C17orf67: variants seen among roughly 807,000 people sequenced by gnomAD.
C17orf67 encodes the protein uncharacterized protein C17orf67.
C17orf67 carries 12 observed loss-of-function variants against 11.2 expected under a neutral mutation model. That is an observed-to-expected ratio of 1.07 (90% CI 0.68 to 1.73). The LOEUF (loss-of-function observed/expected upper bound fraction) is 1.73, where lower values mean the gene tolerates loss of function less well. Ranked by LOEUF, C17orf67 falls within the 40% of genes most tolerant of loss-of-function variation. The pLI is 0.00. For synonymous variants in C17orf67, 59 were observed against 46.9 expected (o/e 1.26, Z -1.05); for missense variants, 115 against 113.5 (o/e 1.01, Z -0.06).
chr17:56,793,785 C>T (rs1475526390), intron 7 of C17orf67, among the ~76,000 whole-genome samples: 1 of 152,210 alleles, frequency 6.6e-6, no homozygotes, highest in African/African-American at 2.4e-5. Context: ...AAGACAAAGG[C>T]CCTTGGTGCA....
chr17:56,797,959 C>A (rs907622497), intron 6 of C17orf67, among the ~76,000 whole-genome samples: 5 of 152,228 alleles, frequency 3.3e-5, no homozygotes, highest in Non-Finnish European at 5.9e-5. Flanking sequence ...AATGTGATTT[C>A]TCTTGTCTTA....
chr17:56,804,786 CA>C (rs778776059), intron 6 of C17orf67, among the ~76,000 whole-genome samples: 2 of 152,150 alleles, frequency 1.3e-5, no homozygotes, highest in Non-Finnish European at 2.9e-5. Flanking sequence ...AAGCTTTATT[CA>C]AGCTTCAAGA....
At chr17:56,795,328 G>A in intron 6 of C17orf67, 148 bp from the exon 7 acceptor site, 1 of 686,376 alleles carries the variant, frequency 1.5e-6, no homozygotes, top group Non-Finnish European at 2.6e-6. Context: ...ATGCCTCTCT[G>A]TAGGGAAGAC....
intron 4 of C17orf67, among the ~76,000 whole-genome samples, chr17:56,821,565 T>C (rs1013927476): frequency 6.6e-6 from 1 of 152,198 alleles, no homozygotes; most frequent in Non-Finnish European, 1.5e-5. Context: ...CCAGCTGGCA[T>C]CTCAGCTTCC....
chr17:56,806,809 A>T (rs1483468346), intron 6 of C17orf67, among the ~76,000 whole-genome samples: 2 of 152,206 alleles, frequency 1.3e-5, no homozygotes, highest in Non-Finnish European at 2.9e-5. Context: ...TGACAGCAAG[A>T]CAGGAAGTAG....
At chr17:56,810,360 CCT>C (rs1905590775) in intron 6 of C17orf67, among the ~76,000 whole-genome samples, 1 of 148,122 alleles carries the variant, frequency 6.8e-6, no homozygotes, top group Admixed American at 6.7e-5. Context: ...CACACACACC[CCT>C]CACACATCCC....
rs201738904 is a variant in C17orf67, at chr17:56,814,866, C to T, written c.156+3G>A. 2.6e-4 allele frequency: 424 copies of T among 1,613,468 alleles called. No homozygotes were observed. In the African/African-American group the frequency reaches 5.2e-3, roughly 20 times the overall value. ...TTTAAAACTGCCAGAGCAAAGCACT[C>T]ACCCGCATTGGCTCATCGGGGAATC... On this transcript the variant is annotated splice_donor_region_variant and intron_variant, in intron 6 of 7. Coordinates refer to ENST00000397861, the MANE Select transcript of C17orf67 (RefSeq NM_001085430.4).
At chr17:56,820,262 A>G (rs2144142090) in intron 4 of C17orf67, among the ~76,000 whole-genome samples, 1 of 152,332 alleles carries the variant, frequency 6.6e-6, no homozygotes, top group African/African-American at 2.4e-5. Flanking sequence ...CAAACGTTGA[A>G]GGCTATACAT....
chr17:56,821,805 C>G (rs2144144295), intron 4 of C17orf67, among the ~76,000 whole-genome samples: 2 of 152,322 alleles, frequency 1.3e-5, no homozygotes, highest in South Asian at 4.1e-4. Flanking sequence ...TTTGCAGCCC[C>G]ATGTCTTGAC....
chr17:56,801,294 G>A (rs1905315935), intron 6 of C17orf67, among the ~76,000 whole-genome samples: 2 of 152,182 alleles, frequency 1.3e-5, no homozygotes, highest in Admixed American at 1.3e-4. Context: ...TTTGTGATGT[G>A]ATTAAATTGT....
At chr17:56,828,107 C>CAAA (rs11379714) in intron 2 of C17orf67, among the ~76,000 whole-genome samples, 4 of 109,314 alleles carry the variant, frequency 3.7e-5, no homozygotes, top group Admixed American at 9.4e-5. Flanking sequence ...GACTCAGTCT[C>CAAA]AAAAAAAAAA....
chr17:56,792,484 T>C (rs1030619362), intron 7 of C17orf67, 132 bp from the exon 8 acceptor site: 1 of 148,446 alleles, frequency 6.7e-6, no homozygotes, highest in Non-Finnish European at 1.5e-5. Flanking sequence ...ATGATGGTTA[T>C]GATGGTGGTG....
At chr17:56,796,822 C>T (rs1905222833) in intron 6 of C17orf67, among the ~76,000 whole-genome samples, 1 of 148,516 alleles carries the variant, frequency 6.7e-6, no homozygotes, top group Non-Finnish European at 1.5e-5. Flanking sequence ...CCCCATGCCT[C>T]CTCCCTCCCC....
chr17:56,821,496 A>G (rs1276589465), intron 4 of C17orf67, among the ~76,000 whole-genome samples: 2 of 152,074 alleles, frequency 1.3e-5, no homozygotes, highest in Non-Finnish European at 2.9e-5. Flanking sequence ...AGATCCTTCC[A>G]TCTCTATTGT....
intron 6 of C17orf67, among the ~76,000 whole-genome samples, chr17:56,802,958 G>A (rs1386560109): frequency 6.6e-6 from 1 of 152,200 alleles, no homozygotes; most frequent in Non-Finnish European, 1.5e-5. Context: ...AATGACTGGC[G>A]CCTTAGCAGG....
At chr17:56,804,993 G>A (rs1305450829) in intron 6 of C17orf67, among the ~76,000 whole-genome samples, 1 of 152,196 alleles carries the variant, frequency 6.6e-6, no homozygotes, top group Non-Finnish European at 1.5e-5. Context: ...AGCAAAGGAA[G>A]GAATGGAAAG....
chr17:56,826,363 G>A (rs953282244), intron 2 of C17orf67, among the ~76,000 whole-genome samples: 8 of 152,202 alleles, frequency 5.3e-5, no homozygotes, highest in Non-Finnish European at 8.8e-5. Context: ...CACACACTGT[G>A]CAGGCTACTG....
chr17:56,813,705 C>A (rs1905686183), intron 6 of C17orf67, among the ~76,000 whole-genome samples: 1 of 152,168 alleles, frequency 6.6e-6, no homozygotes, highest in Non-Finnish European at 1.5e-5. Flanking sequence ...CGGCACCTAG[C>A]AGGTACCAGG....
rs148221021 is a variant in C17orf67 at position 56,828,653 on chromosome 17, T to C, written c.-556-3332A>G. The stretch of plus-strand genomic sequence containing the variant: ...ACTACCCAGGTTAACATATTGAAGA[T>C]TGGGAGCTCTGGTGTGCCCAGTTGT... On this transcript the variant is annotated intron_variant, in intron 2 of 7. Coordinates refer to ENST00000397861, the MANE Select transcript of C17orf67 (RefSeq NM_001085430.4). Among the ~76,000 whole-genome samples the C allele has an allele frequency of 8.9e-3, 1,362 of 152,270 alleles. 9 individuals are homozygous for C. The highest frequency in any genetic ancestry group is 0.018 in the African/African-American group (733 of 41,552).
Sources: gnomAD v4.1 joint callset for allele counts (sites outside exome capture counted in the v4.1 genomes callset) on GRCh38, gnomAD v4.1.1 for gene constraint, MANE v1.5 for transcripts, NCBI Gene and HGNC (gene_info 2026-07-23, HGNC 2026-07-21) for gene names.